HHIP: variants seen among roughly 807,000 people sequenced by gnomAD.
HHIP encodes the protein hedgehog-interacting protein.
HHIP carries 12 observed loss-of-function variants against 74.0 expected under a neutral mutation model. That is an observed-to-expected ratio of 0.16 (90% CI 0.10 to 0.26). The LOEUF (loss-of-function observed/expected upper bound fraction) is 0.26, where lower values mean the gene tolerates loss of function less well. HHIP is among the 10% of genes least tolerant of loss of function. The probability of loss-of-function intolerance (pLI) is 1.00; values close to 1 mark genes in which losing one functional copy is unlikely to be tolerated. For missense variants in HHIP, 788 were observed against 845.0 expected, an observed-to-expected ratio of 0.93 and a Z score of 0.84; for synonymous variants, 309 against 311.6, an observed-to-expected ratio of 0.99 and a Z score of 0.09.
At chr4:144,714,493 C>A in intron 9 of HHIP, 145 bp downstream of exon 9, 1 of 753,548 alleles carries the variant, frequency 1.3e-6, no homozygotes, top group Non-Finnish European at 2.1e-6. Context: ...ACTTTTAGTT[C>A]CATAGATATA....
At chr4:144,706,887 C>A (rs995815845) in intron 5 of HHIP, among the ~76,000 whole-genome samples, 200 bp from the exon 6 acceptor site, 1 of 152,168 alleles carries the variant, frequency 6.6e-6, no homozygotes, top group African/African-American at 2.4e-5. Context: ...CCTCAATTAT[C>A]TCTCAACTTA....
At chr4:144,650,111 T>C (rs554365953) in intron 1 of HHIP, among the ~76,000 whole-genome samples, 13 of 152,292 alleles carry the variant, frequency 8.5e-5, no homozygotes, top group Non-Finnish European at 1.3e-4. Flanking sequence ...TTTGCCCTCT[T>C]TGTTTAGTTA....
At chr4:144,690,511 G>A (rs375108357) in intron 4 of HHIP, among the ~76,000 whole-genome samples, 1 of 152,152 alleles carries the variant, frequency 6.6e-6, no homozygotes, top group African/African-American at 2.4e-5. Context: ...AGATGGGAAC[G>A]ATCTTCAAAG....
At chr4:144,715,209 G>A (rs985799197) in intron 9 of HHIP, 91 bp from the exon 10 acceptor site, 2 of 1,272,102 alleles carry the variant, frequency 1.6e-6, no homozygotes, top group African/African-American at 3.0e-5. Context: ...CAAAGCAATT[G>A]TTTGTTATGA....
intron 3 of HHIP, 63 bp from the exon 4 acceptor site, chr4:144,659,574 C>T (rs1368414524): frequency 9.4e-7 from 1 of 1,062,242 alleles, no homozygotes; most frequent in East Asian, 2.7e-5. Context: ...AAAAGGATGC[C>T]AAGTGCATCC....
chr4:144,647,049 A>G (rs1578670814), intron 1 of HHIP, 95 bp downstream of exon 1: 9 of 1,110,056 alleles, frequency 8.1e-6, no homozygotes, highest in Non-Finnish European at 1.2e-5. Flanking sequence ...TAAGAAGGTC[A>G]AAACTTCTTT....
chr4:144,722,514 C>T (rs1246857030), intron 11 of HHIP, among the ~76,000 whole-genome samples: 2 of 152,058 alleles, frequency 1.3e-5, no homozygotes, highest in Non-Finnish European at 2.9e-5. Flanking sequence ...TTTAAGGTTC[C>T]TTTATTTCCA....
At position 144,738,843 on chromosome 4, in the gene HHIP, C is replaced by T. The variant is rs575061454; in HGVS notation, c.*886C>T. The T allele has an allele frequency of 4.5e-6, 1 of 221,734 alleles. No homozygotes were observed. The highest frequency in any genetic ancestry group is 1.6e-4 in the South Asian group (1 of 6,194). The allele number at this position is 221,734 out of a possible 1,614,324, so 13.7% of individuals were successfully genotyped here. On this transcript the variant is annotated 3_prime_UTR_variant, in exon 13 of 13. Transcript: ENST00000296575. ...GTCTTTAATGTGCTGTGGATCTAAT[C>T]TAGCAAGGTATCCTTGTGCCAACAT...
intron 4 of HHIP, among the ~76,000 whole-genome samples, chr4:144,675,717 T>C (rs572956022): frequency 6.6e-6 from 1 of 152,252 alleles, no homozygotes; most frequent in East Asian, 1.9e-4. Flanking sequence ...TAAAACACTG[T>C]ATTGTTTAAT....
At chr4:144,734,934 A>G (rs201343064) in intron 12 of HHIP, 45 bp downstream of exon 12, 60 of 1,539,142 alleles carry the variant, frequency 3.9e-5, no homozygotes, top group Non-Finnish European at 5.2e-5. Context: ...GGATGAGCCA[A>G]TCCTTAGGTA....
chr4:144,677,429 A>G (rs1729199218), intron 4 of HHIP, among the ~76,000 whole-genome samples: 1 of 152,092 alleles, frequency 6.6e-6, no homozygotes, highest in African/African-American at 2.4e-5. Context: ...AATCCAGGAG[A>G]ATGAGGGCTG....
At chr4:144,727,729 T>G (rs529437879) in intron 11 of HHIP, among the ~76,000 whole-genome samples, 1 of 152,316 alleles carries the variant, frequency 6.6e-6, no homozygotes, top group African/African-American at 2.4e-5. Context: ...TGGAAATATA[T>G]GCATTGAGTT....
chr4:144,680,155 G>A (rs1255226392), intron 4 of HHIP, among the ~76,000 whole-genome samples: 1 of 152,052 alleles, frequency 6.6e-6, no homozygotes, highest in Non-Finnish European at 1.5e-5. Flanking sequence ...TGAGTTTTAG[G>A]TAGGAGTAGT....
chr4:144,646,888 C>T lies in HHIP; in HGVS notation c.213C>T (p.Gly71=). ...GTGGGGGAGAGATGCTGTGCGGTGGCTTCTACCCTCGGCTGTCCTGCTGCC... is the reference window on the plus strand; with the variant it reads ...GTGGGGGAGAGATGCTGTGCGGTGGTTTCTACCCTCGGCTGTCCTGCTGCC... ...LLSGGEMLCG[G]FYPRLSCCLR... The change falls in exon 1 of 13, where the codon GGC becomes GGT. Residue 71 remains glycine, a synonymous_variant. Transcript: ENST00000296575. 6.2e-7 allele frequency: 1 copy of T among 1,614,140 alleles called. No homozygotes were observed. Among genetic ancestry groups the T allele is most frequent in the Non-Finnish European group, 8.5e-7 (1 of 1,179,986 alleles).
intron 12 of HHIP, 31 bp from the exon 13 acceptor site, chr4:144,737,733 G>C: frequency 1.3e-6 from 2 of 1,557,990 alleles, no homozygotes. Flanking sequence ...CAGAATGAGA[G>C]TGTGATGTTC....
intron 11 of HHIP, 118 bp from the exon 12 acceptor site, chr4:144,734,623 A>G (rs1440489913): frequency 2.5e-6 from 2 of 806,582 alleles, no homozygotes; most frequent in African/African-American, 1.7e-5. Context: ...CACTTAAAAA[A>G]AAAAAAAGTC....
chr4:144,661,701 G>A (rs1300875052), intron 4 of HHIP, among the ~76,000 whole-genome samples: 1 of 152,114 alleles, frequency 6.6e-6, no homozygotes, highest in East Asian at 1.9e-4. Flanking sequence ...TGATTTTGGT[G>A]GTTGCCCCTC....
At chr4:144,713,000 C>T (rs1028668403) in intron 8 of HHIP, among the ~76,000 whole-genome samples, 4 of 149,652 alleles carry the variant, frequency 2.7e-5, no homozygotes, top group African/African-American at 4.9e-5. Context: ...GGAATTTTGG[C>T]TACATTTGTA....
In HHIP at chr4:144,693,897, A is replaced by G. The variant is rs150699759; in HGVS notation, c.832-12634A>G. On this transcript the variant is annotated intron_variant, in intron 4 of 12. Coordinates refer to ENST00000296575, the MANE Select transcript of HHIP (RefSeq NM_022475.3). ...CAAAGATATAAGATATCAAATATCAAAAAGATTTTCTTAATTTAGATATCT... is the reference window on the plus strand; with the variant it reads ...CAAAGATATAAGATATCAAATATCAGAAAGATTTTCTTAATTTAGATATCT... Among the ~76,000 whole-genome samples the G allele has an allele frequency of 8.1e-4, 123 of 152,090 alleles. 2 individuals carry two copies. The East Asian group carries it at 0.018, about 22-fold the overall frequency.
Sources: allele counts gnomAD v4.1 joint callset (sites outside exome capture counted in the v4.1 genomes callset), GRCh38; gene constraint gnomAD v4.1.1; transcripts MANE v1.5; gene names NCBI Gene and HGNC (gene_info 2026-07-23, HGNC 2026-07-21).